The following PEPD variants were observed in gnomAD, a reference collection of about 807,000 sequenced individuals.
PEPD encodes the protein xaa-Pro dipeptidase.
A neutral mutation model predicts 60.7 loss-of-function variants in PEPD; 53 were observed. The ratio of observed to expected loss-of-function variants is 0.87; its 90% confidence interval spans 0.70 to 1.10. PEPD has a LOEUF of 1.10. Among genes scored for constraint, PEPD ranks in the 50% least tolerant of loss-of-function variants. The pLI, the probability that PEPD is intolerant of heterozygous loss-of-function variation, is 0.00. For synonymous variants in PEPD, 267 were observed against 284.1 expected (o/e 0.94, Z 0.60); for missense variants, 711 against 711.9 (o/e 1.00, Z 0.01).
At chr19:33,400,020 C>T (rs1291784411) in intron 12 of PEPD, among the ~76,000 whole-genome samples, 1 of 152,104 alleles carries the variant, frequency 6.6e-6, no homozygotes, top group Non-Finnish European at 1.5e-5. Flanking sequence ...GGGCCTGCAT[C>T]CTGGACTCTG....
At chr19:33,450,171 G>A (rs1027453210) in intron 9 of PEPD, among the ~76,000 whole-genome samples, 2 of 152,216 alleles carry the variant, frequency 1.3e-5, no homozygotes, top group African/African-American at 2.4e-5. Context: ...TATGGCCTGA[G>A]TTGCTCGTCC....
At chr19:33,521,016 G>C (rs1310933772) in intron 1 of PEPD, among the ~76,000 whole-genome samples, 2 of 152,140 alleles carry the variant, frequency 1.3e-5, no homozygotes, top group Non-Finnish European at 2.9e-5. Context: ...CCCTTACCCT[G>C]GGCTCAGATG....
chr19:33,412,283 A>G (rs1124513), intron 10 of PEPD, among the ~76,000 whole-genome samples: 50,572 of 151,988 alleles, frequency 0.33, 12,073 homozygotes, highest in African/African-American at 0.68. Context: ...GGAAGTGGAG[A>G]CTGCAATGAG....
intron 11 of PEPD, among the ~76,000 whole-genome samples, chr19:33,408,109 C>T (rs553531533): frequency 2.6e-5 from 4 of 152,334 alleles, no homozygotes; most frequent in South Asian, 2.1e-4. Context: ...AGGGTAAGGA[C>T]GGAGCAGTAG....
chr19:33,437,420 G>T (rs986472742), intron 9 of PEPD, among the ~76,000 whole-genome samples: 4 of 151,628 alleles, frequency 2.6e-5, no homozygotes, highest in Admixed American at 2.0e-4. Flanking sequence ...GAGATGCAGG[G>T]GTTCAGATGG....
At chr19:33,392,816 T>A (rs561329662) in intron 12 of PEPD, among the ~76,000 whole-genome samples, 2 of 152,196 alleles carry the variant, frequency 1.3e-5, no homozygotes, top group East Asian at 3.9e-4. Context: ...GGAGGGCAGA[T>A]GATGGGCTCG....
chr19:33,397,048 A>T (rs1293711346), intron 12 of PEPD, among the ~76,000 whole-genome samples: 3 of 151,980 alleles, frequency 2.0e-5, no homozygotes, highest in Non-Finnish European at 2.9e-5. Context: ...CTGAGCTTGG[A>T]TCCCACCCAA....
chr19:33,515,107 G>A (rs949399928), intron 1 of PEPD, among the ~76,000 whole-genome samples: 1 of 152,160 alleles, frequency 6.6e-6, no homozygotes, highest in African/African-American at 2.4e-5. Context: ...AGGTTGCCTC[G>A]GTCACTGCCG....
At chr19:33,446,890 C>T (rs1294591461) in intron 9 of PEPD, among the ~76,000 whole-genome samples, 2 of 152,212 alleles carry the variant, frequency 1.3e-5, no homozygotes, top group Non-Finnish European at 2.9e-5. Flanking sequence ...GCATCTAGCC[C>T]CTCTTATCTT....
At chr19:33,450,218 T>C (rs1969671282) in intron 9 of PEPD, among the ~76,000 whole-genome samples, 1 of 152,222 alleles carries the variant, frequency 6.6e-6, no homozygotes, top group Non-Finnish European at 1.5e-5. Context: ...GCTGAAGAAC[T>C]TGGAGGCTAA....
At chr19:33,484,821 C>T (rs17834095) in intron 6 of PEPD, among the ~76,000 whole-genome samples, 13,810 of 152,190 alleles carry the variant, frequency 0.091, 653 homozygotes, top group East Asian at 0.13. Flanking sequence ...CAGACACACA[C>T]GGAAGAATCC....
chr19:33,458,518 C>T (rs559569794), intron 9 of PEPD, among the ~76,000 whole-genome samples: 34 of 132,300 alleles, frequency 2.6e-4, no homozygotes, highest in Non-Finnish European at 4.5e-4. Flanking sequence ...GTACATGGCG[C>T]ATGATGTGTA....
intron 7 of PEPD, among the ~76,000 whole-genome samples, chr19:33,467,156 CAA>C (rs72043066): frequency 0.46 from 57,123 of 123,460 alleles, 12,108 homozygotes; most frequent in African/African-American, 0.6. Context: ...GACTCCGTCT[CAA>C]AAAAAAAAAA....
In PEPD at chr19:33,387,894, C is replaced by T; in HGVS notation, c.1340G>A (p.Gly447Asp). Residue 447 changes from glycine to aspartate, a missense_variant, in exon 14 of 15, where the codon GGC (glycine) becomes GAC (aspartate). By Grantham distance (94) the Gly-to-Asp change is moderately conservative. Coordinates refer to ENST00000244137, the MANE Select transcript of PEPD (RefSeq NM_000285.4). ...ATGGGGCCCGTGGGCACTCACCCCG[C>T]CAAAACCGCGAAAGCGCTGCAGGAC... ...REVLQRFRGF[G>D]GVRIEEDVVV... The T allele has an allele frequency of 6.4e-7, 1 of 1,566,384 alleles. No homozygotes were observed. Among genetic ancestry groups the T allele is most frequent in the East Asian group, 2.3e-5 (1 of 42,580 alleles).
rs562832109 is a variant in PEPD at position 33,397,837 on chromosome 19, C to G, written c.967+3884G>C. Among the ~76,000 whole-genome samples, 3 of 152,322 alleles carry G rather than the reference C, an allele frequency of 2.0e-5. No individual in the cohort carries two copies. In the East Asian group the frequency reaches 5.8e-4, roughly 29 times the overall value. ...AGTCAGCATGAACCAGGCAGCACCA[C>G]GGGATGGGAGACCCAGCTCAGGCCT... On this transcript the variant is annotated intron_variant, in intron 12 of 14. Transcript: ENST00000244137.
At chr19:33,410,512 C>T (rs143773104) in intron 11 of PEPD, among the ~76,000 whole-genome samples, 1,647 of 152,298 alleles carry the variant, frequency 0.011, 24 homozygotes, top group African/African-American at 0.035. Flanking sequence ...GGGTGGGCTC[C>T]CACGACTACC....
intron 7 of PEPD, among the ~76,000 whole-genome samples, chr19:33,475,633 TC>T (rs1209318660): frequency 6.6e-6 from 1 of 152,164 alleles, no homozygotes; most frequent in Non-Finnish European, 1.5e-5. Context: ...TAATGACTTA[TC>T]CCTTAGGAGA....
chr19:33,489,896 T>C, intron 6 of PEPD, 100 bp downstream of exon 6: 1 of 734,174 alleles, frequency 1.4e-6, no homozygotes, highest in Non-Finnish European at 2.4e-6. Context: ...AAAAAGAAGT[T>C]TGCATAGTTC....
intron 1 of PEPD, among the ~76,000 whole-genome samples, chr19:33,516,076 A>G (rs1971017541): frequency 6.6e-6 from 1 of 151,732 alleles, no homozygotes; most frequent in Admixed American, 6.6e-5. Flanking sequence ...GGCTCTGAGC[A>G]TAAGAAGGGC....
Sources: allele counts gnomAD v4.1 joint callset (sites outside exome capture counted in the v4.1 genomes callset), GRCh38; gene constraint gnomAD v4.1.1; transcripts MANE v1.5; gene names NCBI Gene and HGNC (gene_info 2026-07-23, HGNC 2026-07-21).